Variants in SRPRB observed in about 807,000 individuals in gnomAD.
SRPRB encodes the protein signal recognition particle receptor subunit beta.
SRPRB carries 20 observed loss-of-function variants against 31.9 expected under a neutral mutation model. The observed-to-expected ratio is 0.63, with a 90% CI of 0.44 to 0.91. The LOEUF (loss-of-function observed/expected upper bound fraction) is 0.91. Among genes scored for constraint, SRPRB ranks in the 40% least tolerant of loss-of-function variants. The pLI is 0.00. For missense variants in SRPRB, 321 were observed against 324.9 expected, an observed-to-expected ratio of 0.99 and a Z score of 0.09; for synonymous variants, 146 against 132.8, an observed-to-expected ratio of 1.10 and a Z score of -0.68.
intron 1 of SRPRB, chr3:133,788,062 C>T (rs541567477): frequency 6.6e-6 from 1 of 152,198 alleles, no homozygotes; most frequent in South Asian, 2.1e-4. Context: ...TTAAGATAAA[C>T]CATGTGTGTA....
chr3:133,818,047 C>T (rs1038725022), intron 6 of SRPRB, among the ~76,000 whole-genome samples: 10 of 152,212 alleles, frequency 6.6e-5, no homozygotes, highest in South Asian at 2.1e-4. Flanking sequence ...GTTCCTTTCC[C>T]GTCTGGAGCT....
intron 1 of SRPRB, among the ~76,000 whole-genome samples, chr3:133,799,781 C>T (rs1250232006): frequency 6.6e-6 from 1 of 152,168 alleles, no homozygotes; most frequent in Non-Finnish European, 1.5e-5. Context: ...GAGACCCCTT[C>T]TGTGTTTAAC....
intron 1 of SRPRB, chr3:133,790,928 C>CA (rs1306476295): frequency 3.3e-5 from 5 of 152,160 alleles, no homozygotes; most frequent in Non-Finnish European, 7.4e-5. Context: ...CTGTAGCCTC[C>CA]AGGGTAGATT....
chr3:133,798,705 A>G (rs1274788623), intron 1 of SRPRB, among the ~76,000 whole-genome samples: 2 of 152,192 alleles, frequency 1.3e-5, no homozygotes, highest in Non-Finnish European at 2.9e-5. Flanking sequence ...AGCATGACAC[A>G]TAAAATTGCA....
intron 3 of SRPRB, among the ~76,000 whole-genome samples, chr3:133,808,812 C>A (rs1446623856): frequency 1.3e-5 from 2 of 150,302 alleles, no homozygotes; most frequent in African/African-American, 4.9e-5. Flanking sequence ...ATCATTTTAA[C>A]CCGGGAGGTG....
chr3:133,792,016 C>G (rs944551944), intron 1 of SRPRB: 1 of 152,084 alleles, frequency 6.6e-6, no homozygotes, highest in African/African-American at 2.4e-5. Context: ...AAAATATCTT[C>G]AAAATGTAAA....
At chr3:133,797,670 G>T (rs1292510025) in intron 1 of SRPRB, among the ~76,000 whole-genome samples, 1 of 152,168 alleles carries the variant, frequency 6.6e-6, no homozygotes, top group Non-Finnish European at 1.5e-5. Context: ...CAGGGAGAAG[G>T]GTTCTGGGCC....
At chr3:133,822,160 G>C (rs79184584), downstream of SRPRB, among the ~76,000 whole-genome samples, 1,433 of 152,288 alleles carry the variant, frequency 9.4e-3, 10 homozygotes, top group Non-Finnish European at 0.015. Context: ...GTCAGGTCTT[G>C]GAGACGGGCC....
intron 1 of SRPRB, chr3:133,788,048 C>T (rs1029630340): frequency 6.6e-6 from 1 of 152,112 alleles, no homozygotes; most frequent in Non-Finnish European, 1.5e-5. Context: ...ATTTAGAAGA[C>T]AGTTTAAGAT....
intron 1 of SRPRB, among the ~76,000 whole-genome samples, chr3:133,798,200 A>G (rs748951780): frequency 1.3e-5 from 2 of 152,234 alleles, no homozygotes; most frequent in African/African-American, 2.4e-5. Context: ...GAATTGTTAA[A>G]CCACCACTGA....
intron 5 of SRPRB, among the ~76,000 whole-genome samples, chr3:133,816,565 T>G (rs1307700237): frequency 6.6e-6 from 1 of 152,182 alleles, no homozygotes; most frequent in African/African-American, 2.4e-5. Flanking sequence ...CACTGGTAGG[T>G]TTTCTTTCTG....
upstream of SRPRB, among the ~76,000 whole-genome samples, chr3:133,801,616 G>C (rs560455042): frequency 6.6e-6 from 1 of 152,326 alleles, no homozygotes; most frequent in Admixed American, 6.5e-5. Flanking sequence ...AACTCTCCGT[G>C]TCTGGCTCTT....
rs759542514 is a variant in SRPRB, at chr3:133,806,004, T to TAAAAG, written c.154+3_154+7dup. ...TTCTTGCGGTGCTGCTGACGCTAGG[T>TAAAAG]AAAAGGCGGCCGGTGGTCATGGCGG... On this transcript the variant is annotated splice_region_variant and intron_variant, in intron 1 of 6. Coordinates refer to ENST00000678299, the MANE Select transcript of SRPRB (RefSeq NM_001379313.1). 1 of 1,611,792 alleles carries TAAAAG rather than the reference T, an allele frequency of 6.2e-7. No individual in the cohort carries two copies.
Position 133,810,342 on chromosome 3 carries a change from G to C in SRPRB, c.328-775G>C, listed in dbSNP as rs545243472. 14 of 152,374 alleles carry C rather than the reference G, an allele frequency of 9.2e-5. No homozygotes were observed. The East Asian group carries it at 2.7e-3, about 29-fold the overall frequency. 9.4% of individuals were successfully genotyped at this position (152,374 alleles called of 1,614,324 possible). A position where few individuals can be genotyped will look rare whatever the true frequency, so the allele number is the denominator to read the frequency against. On this transcript the variant is annotated intron_variant, in intron 3 of 6. Transcript: ENST00000678299. ...GGATAATGTAGAACATGTAAGAAAT[G>C]ATGGTCTGCTGCATGTACCAGGCCA...
chr3:133,827,753 C>G (rs888856344), downstream of SRPRB: 28 of 89,900 alleles, frequency 3.1e-4, 5 homozygotes, highest in Middle Eastern at 6.1e-3. Context: ...AACACCCCCC[C>G]CCCCCCCCGC....
chr3:133,789,883 T>G (rs910077613), intron 1 of SRPRB: 1 of 38,464 alleles, frequency 2.6e-5, no homozygotes, highest in African/African-American at 6.5e-5. Flanking sequence ...GTTTGCGTTT[T>G]TTTTTTTTTT....
upstream of SRPRB, among the ~76,000 whole-genome samples, chr3:133,801,912 G>A (rs142849483): frequency 5.9e-4 from 90 of 152,160 alleles, no homozygotes; most frequent in Middle Eastern, 3.4e-3. Flanking sequence ...AGTTCCTATC[G>A]CCTACCTTTA....
chr3:133,807,363 C>T (rs1015970279), intron 2 of SRPRB, among the ~76,000 whole-genome samples: 7 of 150,966 alleles, frequency 4.6e-5, no homozygotes, highest in African/African-American at 1.7e-4. Flanking sequence ...AGATGATTCT[C>T]CCACCTCAGC....
Position 133,808,628 on chromosome 3 carries a change from C to T in SRPRB, c.327+805C>T, listed in dbSNP as rs533308425. Among the ~76,000 whole-genome samples, 16 of 151,980 alleles carry T rather than the reference C, an allele frequency of 1.1e-4. No individual in the cohort carries two copies. The East Asian group carries it at 1.4e-3, about 13-fold the overall frequency. On this transcript the variant is annotated intron_variant, in intron 3 of 6. Coordinates refer to ENST00000678299, the MANE Select transcript of SRPRB (RefSeq NM_001379313.1). ...TCATGGGGCCTGGCTTGGTGGCTCA[C>T]GCCTGTAATCCCAGCACTTTGGGAG...
Sources: allele counts gnomAD v4.1 joint callset (sites outside exome capture counted in the v4.1 genomes callset), GRCh38; gene constraint gnomAD v4.1.1; transcripts MANE v1.5; gene names NCBI Gene and HGNC (gene_info 2026-07-23, HGNC 2026-07-21).